The following ZNF385D variants were observed in gnomAD, a reference collection of about 807,000 sequenced individuals.
ZNF385D encodes the protein zinc finger protein 659.
A neutral mutation model predicts 35.8 loss-of-function variants in ZNF385D; 15 were observed. The ratio of observed to expected loss-of-function variants is 0.42; its 90% CI spans 0.28 to 0.64. ZNF385D has a LOEUF of 0.64. Ranked by LOEUF, ZNF385D falls within the 30% of genes least tolerant of loss-of-function variation. ZNF385D has a pLI of 0.23. For missense variants in ZNF385D, 474 were observed against 494.6 expected (o/e 0.96, Z 0.39); for synonymous variants, 212 against 186.8 (o/e 1.13, Z -1.10).
chr3:22,199,416 A>G (rs964799515), intron 2 of ZNF385D, among the ~76,000 whole-genome samples: 2 of 152,126 alleles, frequency 1.3e-5, no homozygotes, highest in Non-Finnish European at 2.9e-5. Context: ...AAGCTATCCA[A>G]AAAGGGAGTG....
intron 3 of ZNF385D, among the ~76,000 whole-genome samples, chr3:21,546,473 C>A (rs139166987): frequency 2.1e-3 from 324 of 152,148 alleles, no homozygotes; most frequent in African/African-American, 7.6e-3. Context: ...CACAAGACAT[C>A]CTTTCCTCTC....
Position 21,441,573 on chromosome 3 carries a change from G to A in ZNF385D, c.440-4370C>T, listed in dbSNP as rs1486499347. 3 of 428,636 alleles carry A rather than the reference G, an allele frequency of 7.0e-6. No individual in the cohort carries two copies. The South Asian group carries it at 3.0e-4, about 42-fold the overall frequency. 26.6% of individuals were successfully genotyped at this position (428,636 alleles called of 1,614,324 possible). A position where few individuals can be genotyped will look rare whatever the true frequency, so the allele number is the denominator to read the frequency against. On this transcript the variant is annotated intron_variant, in intron 4 of 7. Coordinates refer to ENST00000281523, the MANE Select transcript of ZNF385D (RefSeq NM_024697.3). ...TTGACTATAAAAGAAACTAAGCGTGGCCCAAGCTAGAGTCAATTACGTATA... is the reference window on the plus strand; with the variant it reads ...TTGACTATAAAAGAAACTAAGCGTGACCCAAGCTAGAGTCAATTACGTATA...
rs998617665 is a variant in ZNF385D at position 22,222,310 on chromosome 3, C to A, written c.107-53275G>T. 4.0e-5 allele frequency among the ~76,000 whole-genome samples: 6 copies of A among 151,830 alleles called. No homozygotes were observed. In the East Asian group the frequency reaches 1.2e-3, roughly 29 times the overall value. ...GGCCATAAAAAACACATAGTCTTCA[C>A]CACCCAGCCCCAAATTTCAAAAAAA... On this transcript the variant is annotated intron_variant, in intron 2 of 5. Transcript: ENST00000494108.
chr3:21,613,022 C>A (rs2064734000), intron 2 of ZNF385D, among the ~76,000 whole-genome samples: 2 of 142,442 alleles, frequency 1.4e-5, no homozygotes, highest in African/African-American at 2.6e-5. Flanking sequence ...AACCAGGGTA[C>A]TAAAGAACAC....
At chr3:21,421,607 C>T (rs1001064547) in intron 7 of ZNF385D, among the ~76,000 whole-genome samples, 160 bp from the exon 8 acceptor site, 2 of 152,104 alleles carry the variant, frequency 1.3e-5, no homozygotes, top group African/African-American at 4.8e-5. Flanking sequence ...AAGTATAGAA[C>T]ATTTTCCCTT....
At chr3:22,290,425 A>G (rs1559501597) in intron 2 of ZNF385D, among the ~76,000 whole-genome samples, 1 of 152,126 alleles carries the variant, frequency 6.6e-6, no homozygotes, top group Non-Finnish European at 1.5e-5. Flanking sequence ...CTCATTGAGA[A>G]ATGTAGCCAC....
intron 3 of ZNF385D, among the ~76,000 whole-genome samples, chr3:22,040,768 T>C (rs7618939): frequency 0.12 from 18,284 of 152,094 alleles, 1,638 homozygotes; most frequent in African/African-American, 0.25. Flanking sequence ...AGAAGGCTGA[T>C]AGAATCAGAA....
intron 3 of ZNF385D, among the ~76,000 whole-genome samples, chr3:21,532,707 C>T (rs888746109): frequency 1.3e-5 from 2 of 149,526 alleles, no homozygotes; most frequent in Admixed American, 1.3e-4. Flanking sequence ...GATCTAGTAA[C>T]TTTTAGGATT....
chr3:22,103,271 G>A (rs930423591), intron 3 of ZNF385D, among the ~76,000 whole-genome samples: 1 of 151,296 alleles, frequency 6.6e-6, no homozygotes, highest in Non-Finnish European at 1.5e-5. Flanking sequence ...TTTCTTGAGG[G>A]CAAGGGCCAT....
chr3:21,701,031 G>A (rs2067662829), intron 1 of ZNF385D, among the ~76,000 whole-genome samples: 1 of 152,116 alleles, frequency 6.6e-6, no homozygotes, highest in Non-Finnish European at 1.5e-5. Flanking sequence ...GCTGGCTTTG[G>A]TCATTGGGAG....
intron 3 of ZNF385D, among the ~76,000 whole-genome samples, chr3:21,837,263 C>T (rs1405528597): frequency 6.6e-6 from 1 of 152,028 alleles, no homozygotes; most frequent in Non-Finnish European, 1.5e-5. Flanking sequence ...GTATAAAAAC[C>T]ATTCAAAATT....
intron 3 of ZNF385D, among the ~76,000 whole-genome samples, chr3:22,154,256 T>C (rs575055734): frequency 1.1e-4 from 16 of 152,152 alleles, no homozygotes; most frequent in Non-Finnish European, 1.6e-4. Flanking sequence ...TATCAGATAA[T>C]AGGATATTTT....
chr3:22,234,150 T>G (rs927642083), intron 2 of ZNF385D, among the ~76,000 whole-genome samples: 9 of 152,112 alleles, frequency 5.9e-5, no homozygotes, highest in Non-Finnish European at 7.4e-5. Context: ...TTATTTGGGA[T>G]TTATATTTTA....
intron 2 of ZNF385D, among the ~76,000 whole-genome samples, chr3:22,288,809 T>G (rs189713887): frequency 1.6e-3 from 248 of 152,288 alleles, no homozygotes; most frequent in African/African-American, 5.4e-3. Context: ...TTCTGTTTAT[T>G]AGATGAGACA....
At chr3:21,553,046 T>C (rs1290277134) in intron 3 of ZNF385D, among the ~76,000 whole-genome samples, 4 of 152,088 alleles carry the variant, frequency 2.6e-5, no homozygotes, top group African/African-American at 9.7e-5. Flanking sequence ...CCCTTGCTGT[T>C]TTTGAAGATG....
chr3:22,351,907 AAG>A (rs1348392435), intron 2 of ZNF385D, among the ~76,000 whole-genome samples: 1 of 152,152 alleles, frequency 6.6e-6, no homozygotes, highest in Non-Finnish European at 1.5e-5. Flanking sequence ...TGCTAACCTG[AAG>A]AGAGAGAAAA....
chr3:22,337,198 A>G (rs1307684519), intron 2 of ZNF385D, among the ~76,000 whole-genome samples: 1 of 152,054 alleles, frequency 6.6e-6, no homozygotes, highest in African/African-American at 2.4e-5. Flanking sequence ...TATGCTCATT[A>G]TAAGAATGGA....
intron 2 of ZNF385D, among the ~76,000 whole-genome samples, chr3:22,178,495 G>A (rs1005804968): frequency 6.6e-6 from 1 of 152,172 alleles, no homozygotes; most frequent in African/African-American, 2.4e-5. Context: ...TTTGTCAGAT[G>A]AGTAGATTGC....
At chr3:21,685,752 C>A (rs1229988488) in intron 1 of ZNF385D, among the ~76,000 whole-genome samples, 1 of 152,144 alleles carries the variant, frequency 6.6e-6, no homozygotes, top group Non-Finnish European at 1.5e-5. Context: ...TCTGAAAAAT[C>A]TTTGTATGGA....
Sources: allele counts gnomAD v4.1 joint callset (sites outside exome capture counted in the v4.1 genomes callset), GRCh38; gene constraint gnomAD v4.1.1; transcripts MANE v1.5; gene names NCBI Gene and HGNC (gene_info 2026-07-23, HGNC 2026-07-21).